ATP13A4: variants seen among roughly 807,000 people sequenced by gnomAD.
ATP13A4 encodes probable cation-transporting ATPase 13A4.
Under a neutral mutation model 142.5 loss-of-function variants are expected in ATP13A4, and 114 were observed. That is an observed-to-expected ratio of 0.80 (90% CI 0.69 to 0.93). The LOEUF is 0.93. ATP13A4 is among the 40% of genes least tolerant of loss of function. The probability of loss-of-function intolerance (pLI) is 0.00; values close to 1 mark genes in which losing one functional copy is unlikely to be tolerated. For missense variants in ATP13A4, 1,392 were observed against 1,454.0 expected (o/e 0.96, Z 0.69); for synonymous variants, 488 against 514.8 (o/e 0.95, Z 0.70).
In ATP13A4 at chr3:193,541,708, C is replaced by T. The variant is rs534192653; in HGVS notation, c.60+13032G>A. Among the ~76,000 whole-genome samples the T allele has an allele frequency of 7.9e-5, 12 of 152,296 alleles. 1 individual carries two copies. The East Asian group carries it at 2.3e-3, about 29-fold the overall frequency. On this transcript the variant is annotated intron_variant, in intron 1 of 29. Coordinates refer to ENST00000342695, the MANE Select transcript of ATP13A4 (RefSeq NM_032279.4). ...CCCTTCACTATTTGCAGCTGATGTG[C>T]TTCATGCAGAGTTGACTCTGACCCC...
intron 1 of ATP13A4, among the ~76,000 whole-genome samples, chr3:193,531,306 GGAA>G (rs1722311551): frequency 3.2e-5 from 4 of 125,294 alleles, no homozygotes; most frequent in African/African-American, 1.3e-4. Context: ...GAGGAAGGAA[GGAA>G]GGAAGGAAGG....
intron 1 of ATP13A4, among the ~76,000 whole-genome samples, chr3:193,517,336 C>T (rs1231167639): frequency 6.6e-6 from 1 of 152,100 alleles, no homozygotes; most frequent in Non-Finnish European, 1.5e-5. Context: ...AAGGTTAGAG[C>T]AATAAAGGGT....
chr3:193,425,699 A>G (rs7613433), intron 25 of ATP13A4, among the ~76,000 whole-genome samples: 112,388 of 151,518 alleles, frequency 0.74, 41,921 homozygotes, highest in Admixed American at 0.78. Flanking sequence ...GGTTTCTTAA[A>G]GCTGGAAAGA....
chr3:193,486,757 T>A (rs766262759), intron 7 of ATP13A4, among the ~76,000 whole-genome samples: 2 of 152,252 alleles, frequency 1.3e-5, no homozygotes, highest in Non-Finnish European at 2.9e-5. Context: ...GCTATTAGCA[T>A]ATGCCTTTAG....
chr3:193,493,753 G>C (rs1266646186), intron 3 of ATP13A4, among the ~76,000 whole-genome samples: 1 of 152,092 alleles, frequency 6.6e-6, no homozygotes, highest in East Asian at 1.9e-4. Context: ...CCAAAGTATT[G>C]ATACAGGAGT....
intron 23 of ATP13A4, among the ~76,000 whole-genome samples, chr3:193,437,064 A>G (rs1269601950): frequency 1.6e-4 from 21 of 135,314 alleles, no homozygotes; most frequent in Non-Finnish European, 2.7e-4. Context: ...AGATCCCGCC[A>G]CTGCACTCCA....
chr3:193,529,506 C>T (rs186736487), intron 1 of ATP13A4, among the ~76,000 whole-genome samples: 27 of 152,062 alleles, frequency 1.8e-4, no homozygotes, highest in Non-Finnish European at 3.5e-4. Flanking sequence ...GAACTTTTGC[C>T]ATTTGTTTTA....
chr3:193,412,539 AC>A (rs1714825473), intron 26 of ATP13A4, among the ~76,000 whole-genome samples, 168 bp from the exon 27 acceptor site: 2 of 151,732 alleles, frequency 1.3e-5, no homozygotes, highest in East Asian at 3.9e-4. Flanking sequence ...ACACACACAC[AC>A]ACACACACAC....
chr3:193,464,039 A>T (rs1718117820), intron 12 of ATP13A4, among the ~76,000 whole-genome samples: 2 of 152,248 alleles, frequency 1.3e-5, no homozygotes, highest in South Asian at 4.1e-4. Context: ...TGAACAGTAC[A>T]CTTAAAAATG....
chr3:193,401,954 C>G lies in ATP13A4; in HGVS notation c.*698G>C, dbSNP rs1207003717. 2.0e-5 allele frequency: 3 copies of G among 152,408 alleles called. No homozygotes were observed. The highest frequency in any genetic ancestry group is 4.4e-5 in the Non-Finnish European group (3 of 68,224). The allele number at this position is 152,408 out of a possible 1,614,324, so 9.4% of individuals were successfully genotyped here. ...AGTCTATTCCTTCCCCCATCACAGT[C>G]AACACACAGTCCTTGCATCGAGCTG... On this transcript the variant is annotated 3_prime_UTR_variant, in exon 30 of 30. Transcript: ENST00000342695.
intron 18 of ATP13A4, among the ~76,000 whole-genome samples, chr3:193,447,696 C>T (rs1001975235): frequency 6.6e-6 from 1 of 152,144 alleles, no homozygotes; most frequent in Non-Finnish European, 1.5e-5. Context: ...TCATTGCTCT[C>T]TTGTTTGTAT....
In ATP13A4 at chr3:193,484,110, A is replaced by T. The variant is rs181951904; in HGVS notation, c.739-105T>A. The T allele has an allele frequency of 5.2e-6, 5 of 961,104 alleles. No individual in the cohort carries two copies. The East Asian group carries it at 1.2e-4, about 24-fold the overall frequency. 59.5% of individuals were successfully genotyped at this position (961,104 alleles called of 1,614,324 possible). ...AAAGATAGAGCACTGTCTTACTGCC[A>T]GTTGAATGGAATGTACTGGCTAAAA... On this transcript the variant is annotated intron_variant, in intron 7 of 29. Transcript: ENST00000342695.
At chr3:193,405,514 T>C (rs9823181) in intron 29 of ATP13A4, among the ~76,000 whole-genome samples, 12,355 of 152,210 alleles carry the variant, frequency 0.081, 660 homozygotes, top group African/African-American at 0.15. Flanking sequence ...TTCCATTTTC[T>C]TCCTGCACTG....
intron 25 of ATP13A4, among the ~76,000 whole-genome samples, chr3:193,432,231 A>G (rs544396695): frequency 9.2e-5 from 14 of 152,186 alleles, no homozygotes; most frequent in African/African-American, 3.4e-4. Context: ...ACCTATTAGA[A>G]TGGCCAAAAT....
At chr3:193,442,310 G>T in intron 19 of ATP13A4, 83 bp downstream of exon 19, 2 of 1,410,070 alleles carry the variant, frequency 1.4e-6, no homozygotes, top group Non-Finnish European at 1.0e-6. Flanking sequence ...GGAAGCATAT[G>T]TTGACTCTAG....
At chr3:193,543,396 A>G (rs1723050478) in intron 1 of ATP13A4, among the ~76,000 whole-genome samples, 1 of 152,210 alleles carries the variant, frequency 6.6e-6, no homozygotes, top group South Asian at 2.1e-4. Context: ...ACAGAGGTCT[A>G]ATATCCAGAA....
rs989194554 is a variant in ATP13A4, at chr3:193,466,896, T to C, written c.1114+420A>G. Among the ~76,000 whole-genome samples, 5 of 152,226 alleles carry C rather than the reference T, an allele frequency of 3.3e-5. No homozygotes were observed. The East Asian group carries it at 9.6e-4, about 29-fold the overall frequency. On this transcript the variant is annotated intron_variant, in intron 10 of 29. Transcript: ENST00000342695. ...TATATGGATTTATATATATATGATG[T>C]GTTTTGTACCTGTAGGTAAGACTTC...
Position 193,448,238 on chromosome 3 carries a change from A to C in ATP13A4, c.2120T>G (p.Ile707Ser). 1 of 1,614,134 alleles carries C rather than the reference A, an allele frequency of 6.2e-7. No individual in the cohort carries two copies. Among genetic ancestry groups the C allele is most frequent in the Non-Finnish European group, 8.5e-7 (1 of 1,180,018 alleles). ...EETKPVLEEL[I>S]SARIRTVMIT... The stretch of plus-strand genomic sequence containing the variant: ...CATTACAGTCCTTATCCGGGCTGAG[A>C]TGAGCTCTTCCAAGACAGGTTTTGT... The change falls in exon 18 of 30, where the codon ATC (isoleucine) becomes AGC (serine). Residue 707 changes from isoleucine (I) to serine (S), a missense_variant. Ile to Ser is a moderately radical substitution (Grantham distance 142). Coordinates refer to ENST00000342695, the MANE Select transcript of ATP13A4 (RefSeq NM_032279.4).
upstream of ATP13A4, among the ~76,000 whole-genome samples, chr3:193,559,805 A>C (rs1300229818): frequency 1.3e-5 from 2 of 152,166 alleles, no homozygotes; most frequent in Non-Finnish European, 2.9e-5. Flanking sequence ...ATTTCCAAAA[A>C]TAGGAAATTA....
Sources: gnomAD v4.1 joint callset for allele counts (sites outside exome capture counted in the v4.1 genomes callset) on GRCh38, gnomAD v4.1.1 for gene constraint, MANE v1.5 for transcripts, NCBI Gene and HGNC (gene_info 2026-07-23, HGNC 2026-07-21) for gene names.